RIMS4: variants seen among roughly 807,000 people sequenced by gnomAD.
RIMS4 encodes the protein regulating synaptic membrane exocytosis 4, also known as regulating synaptic membrane exocytosis protein 4.
A neutral mutation model predicts 29.0 loss-of-function variants in RIMS4; 9 were observed. That is an observed-to-expected ratio of 0.31 (90% confidence interval 0.19 to 0.54). RIMS4 has a LOEUF of 0.54. Among genes scored for constraint, RIMS4 ranks in the 20% least tolerant of loss-of-function variants. The pLI is 0.94. For synonymous variants in RIMS4, 130 were observed against 152.9 expected (o/e 0.85, Z 1.10); for missense variants, 193 against 365.7 (o/e 0.53, Z 3.85).
In RIMS4 at chr20:44,810,507, C is replaced by CGGCGGCGGCGGCGGCGGCGGCGGT. The variant is rs1568910751; in HGVS notation, c.-237_-236insACCGCCGCCGCCGCCGCCGCCGCC. ...GCTGTGCTGCTGGCGGCGGCGGCGG[C>CGGCGGCGGCGGCGGCGGCGGCGGT]GGCGGCGGTGGCGGCGGCGGTGGCG... On this transcript the variant is annotated 5_prime_UTR_variant, in exon 1 of 6. Coordinates refer to ENST00000372851, the MANE Select transcript of RIMS4 (RefSeq NM_182970.4). Among the ~76,000 whole-genome samples the CGGCGGCGGCGGCGGCGGCGGCGGT allele has an allele frequency of 7.0e-6, 1 of 142,188 alleles. No individual in the cohort carries two copies. The highest frequency in any genetic ancestry group is 2.0e-4 in the East Asian group (1 of 4,884). 93.3% of individuals were successfully genotyped at this position (142,188 alleles called of 152,430 possible). A position where few individuals can be genotyped will look rare whatever the true frequency, so the allele number is the denominator to read the frequency against.
intron 1 of RIMS4, among the ~76,000 whole-genome samples, chr20:44,795,411 G>A (rs1468144714): frequency 1.3e-5 from 2 of 152,150 alleles, no homozygotes; most frequent in Admixed American, 6.5e-5. Context: ...TGAGGCAGGC[G>A]GATCATGAAG....
At chr20:44,799,301 T>G (rs2066267900) in intron 1 of RIMS4, among the ~76,000 whole-genome samples, 1 of 147,394 alleles carries the variant, frequency 6.8e-6, no homozygotes, top group Non-Finnish European at 1.5e-5. Context: ...AGACTCCATC[T>G]CAGAAAAAAA....
At chr20:44,771,010 C>T (rs1048423554) in intron 2 of RIMS4, among the ~76,000 whole-genome samples, 11 of 152,334 alleles carry the variant, frequency 7.2e-5, no homozygotes, top group African/African-American at 2.6e-4. Context: ...GATGAGGAAA[C>T]TGTGGCTTAG....
At chr20:44,810,080 G>C in intron 1 of RIMS4, 95 bp downstream of exon 1, 3 of 594,444 alleles carry the variant, frequency 5.0e-6, no homozygotes, top group Admixed American at 5.2e-5. Flanking sequence ...CCAGGGGATT[G>C]GGGGTGGGGA....
chr20:44,795,184 C>T (rs2066249266), intron 1 of RIMS4, among the ~76,000 whole-genome samples: 1 of 152,226 alleles, frequency 6.6e-6, no homozygotes, highest in Admixed American at 6.5e-5. Flanking sequence ...CTAAGGGCTT[C>T]ACAGGTGTCC....
intron 2 of RIMS4, among the ~76,000 whole-genome samples, chr20:44,761,925 C>A (rs2066087149): frequency 6.6e-6 from 1 of 152,148 alleles, no homozygotes. Context: ...CTTGCAAAAC[C>A]AAAGACCCTT....
intron 1 of RIMS4, among the ~76,000 whole-genome samples, chr20:44,809,513 C>A (rs2066313609): frequency 6.6e-6 from 1 of 151,962 alleles, no homozygotes; most frequent in Non-Finnish European, 1.5e-5. Context: ...CACACACCAG[C>A]GGGCGGACAA....
chr20:44,772,572 T>C (rs192996245), intron 1 of RIMS4, among the ~76,000 whole-genome samples: 288 of 152,274 alleles, frequency 1.9e-3, no homozygotes, highest in African/African-American at 6.6e-3. Context: ...TCCACGCCCA[T>C]AGAGCTAGTA....
rs375033267 is a variant in RIMS4, at chr20:44,757,758, G to C, written c.363C>G (p.Ile121Met). 6.2e-6 allele frequency: 10 copies of C among 1,613,704 alleles called. No homozygotes were observed. Among genetic ancestry groups the C allele is most frequent in the Non-Finnish European group, 8.5e-6 (10 of 1,179,860 alleles). ...ACTGACCGTTCCGCTCCTGCAGACCGATCTCCACATCCCCTGGAAGAGGCA... is the reference window on the plus strand; with the variant it reads ...ACTGACCGTTCCGCTCCTGCAGACCCATCTCCACATCCCCTGGAAGAGGCA... ...LATTPMGDVE[I>M]GLQERNGQLE... Residue 121 changes from isoleucine to methionine, a missense_variant, in exon 4 of 6, where the codon ATC (isoleucine) becomes ATG (methionine). Coordinates refer to ENST00000372851, the MANE Select transcript of RIMS4 (RefSeq NM_182970.4).
chr20:44,778,896 G>T (rs2066171843), intron 1 of RIMS4, among the ~76,000 whole-genome samples: 1 of 152,134 alleles, frequency 6.6e-6, no homozygotes, highest in Non-Finnish European at 1.5e-5. Context: ...TATGCTAACT[G>T]GTGTCCACAC....
At position 44,754,566 on chromosome 20, in the gene RIMS4, C is replaced by G. The variant is rs551412071; in HGVS notation, c.*1568G>C. Reference sequence around the variant, plus strand: ...ACCAAGAATAATAAATCAGAACAGCCGAGTATAACAGGCAGCTCCAGCTAT... The same window carrying G: ...ACCAAGAATAATAAATCAGAACAGCGGAGTATAACAGGCAGCTCCAGCTAT... On this transcript the variant is annotated 3_prime_UTR_variant, in exon 6 of 6. Coordinates refer to ENST00000372851, the MANE Select transcript of RIMS4 (RefSeq NM_182970.4). 9.2e-5 allele frequency: 14 copies of G among 152,974 alleles called. No individual in the cohort carries two copies. Among genetic ancestry groups the G allele is most frequent in the African/African-American group, 2.9e-4 (12 of 41,540 alleles). 9.5% of individuals were successfully genotyped at this position (152,974 alleles called of 1,614,324 possible).
intron 1 of RIMS4, among the ~76,000 whole-genome samples, chr20:44,803,596 C>T (rs915041701): frequency 4.0e-5 from 6 of 150,174 alleles, no homozygotes; most frequent in African/African-American, 1.5e-4. Context: ...GTTACAATTA[C>T]GGGGGCTAAG....
At chr20:44,757,558 C>T (rs1428806285) in intron 4 of RIMS4, 112 bp downstream of exon 4, 7 of 799,150 alleles carry the variant, frequency 8.8e-6, no homozygotes, top group Non-Finnish European at 1.5e-5. Context: ...AGAGTTGGGA[C>T]AGGGGGTCCC....
intron 1 of RIMS4, among the ~76,000 whole-genome samples, chr20:44,803,231 T>C (rs1315782318): frequency 6.6e-6 from 1 of 152,208 alleles, no homozygotes; most frequent in Non-Finnish European, 1.5e-5. Context: ...ACTGAGCAGC[T>C]CATTAACTAC....
chr20:44,805,369 C>T (rs530235423), intron 1 of RIMS4, among the ~76,000 whole-genome samples: 1 of 152,130 alleles, frequency 6.6e-6, no homozygotes, highest in Non-Finnish European at 1.5e-5. Flanking sequence ...CACCCCTCTA[C>T]TTGAACTATG....
At chr20:44,782,957 T>C (rs1260178237) in intron 1 of RIMS4, among the ~76,000 whole-genome samples, 3 of 152,182 alleles carry the variant, frequency 2.0e-5, no homozygotes, top group African/African-American at 7.2e-5. Flanking sequence ...CTCATACCCC[T>C]TGTGGGACTG....
In RIMS4 at chr20:44,753,805, G is replaced by A. The variant is rs932208544; in HGVS notation, c.*2329C>T. On this transcript the variant is annotated 3_prime_UTR_variant, in exon 6 of 6. Transcript: ENST00000372851. ...GCCCCCAGCTGCTCCACCCCTCCAG[G>A]AGGTGAGCGGGATTTCACAGAACAA... 2.0e-5 allele frequency: 3 copies of A among 152,676 alleles called. No individual in the cohort carries two copies. Among genetic ancestry groups the A allele is most frequent in the Non-Finnish European group, 4.4e-5 (3 of 68,090 alleles). 9.5% of individuals were successfully genotyped at this position (152,676 alleles called of 1,614,324 possible). A position where few individuals can be genotyped will look rare whatever the true frequency, so the allele number is the denominator to read the frequency against.
intron 1 of RIMS4, among the ~76,000 whole-genome samples, chr20:44,773,002 C>T (rs1331493747): frequency 2.0e-5 from 3 of 146,998 alleles, no homozygotes; most frequent in South Asian, 2.2e-4. Flanking sequence ...TTTCTCAGAA[C>T]GTGTAGCCTC....
rs1231472140 is a variant in RIMS4, at chr20:44,758,046, T to C, written c.349+26A>G. The C allele has an allele frequency of 2.6e-6, 4 of 1,533,874 alleles. No individual in the cohort carries two copies. The African/African-American group carries it at 4.1e-5, about 16-fold the overall frequency. On this transcript the variant is annotated intron_variant, in intron 3 of 5. Transcript: ENST00000372851. ...TGTGACACCCAACTCCCCTAGTCCA[T>C]TTGAAACCAGCCTTGGGGCACTCAC... is the stretch of plus-strand genomic sequence containing the variant.
Sources: allele counts gnomAD v4.1 joint callset (sites outside exome capture counted in the v4.1 genomes callset), GRCh38; gene constraint gnomAD v4.1.1; transcripts MANE v1.5; gene names NCBI Gene and HGNC (gene_info 2026-07-23, HGNC 2026-07-21).